The following TTC28 variants were observed in gnomAD, a reference collection of about 807,000 sequenced individuals.
TTC28 encodes tetratricopeptide repeat protein 28.
Under a neutral mutation model 198.0 loss-of-function variants are expected in TTC28, and 61 were observed. That is an observed-to-expected ratio of 0.31 (90% CI 0.25 to 0.38). The LOEUF is 0.38. Ranked by LOEUF, TTC28 falls within the 10% of genes least tolerant of loss-of-function variation. The pLI is 1.00. For missense variants in TTC28, 2,678 were observed against 3,164.0 expected, an observed-to-expected ratio of 0.85 and a Z score of 3.69; for synonymous variants, 1,171 against 1,297.8, an observed-to-expected ratio of 0.90 and a Z score of 2.10.
At chr22:28,509,632 C>T (rs2048661272) in intron 2 of TTC28, among the ~76,000 whole-genome samples, 1 of 152,036 alleles carries the variant, frequency 6.6e-6, no homozygotes, top group African/African-American at 2.4e-5. Flanking sequence ...ACTAGAGAAC[C>T]AAGAGCAAAC....
Position 28,512,743 on chromosome 22 carries a change from G to A in TTC28, c.381+116809C>T, listed in dbSNP as rs571299941. 5.9e-5 allele frequency among the ~76,000 whole-genome samples: 9 copies of A among 152,182 alleles called. No individual in the cohort carries two copies. In the East Asian group the frequency reaches 1.4e-3, roughly 23 times the overall value. On this transcript the variant is annotated intron_variant, in intron 2 of 22. Transcript: ENST00000397906. ...GAATGGTGAGAATACATGGACACAC[G>A]GTGGGGAACAACACACACTGGGGCC... is the stretch of plus-strand genomic sequence containing the variant.
intron 5 of TTC28, among the ~76,000 whole-genome samples, chr22:28,253,933 T>C (rs779783116): frequency 3.3e-5 from 5 of 152,060 alleles, no homozygotes; most frequent in African/African-American, 7.2e-5. Context: ...GGTGAAACTT[T>C]GTCTCTACTA....
chr22:28,429,238 G>T (rs2047398410), intron 2 of TTC28, among the ~76,000 whole-genome samples: 1 of 152,136 alleles, frequency 6.6e-6, no homozygotes. Flanking sequence ...TGCAGCTTTT[G>T]TATCTCACTA....
intron 5 of TTC28, among the ~76,000 whole-genome samples, chr22:28,193,010 G>C (rs890663238): frequency 1.5e-4 from 23 of 152,102 alleles, no homozygotes; most frequent in Admixed American, 1.3e-4. Context: ...AAGTTGAAAC[G>C]AAGGAAAAAA....
intron 12 of TTC28, among the ~76,000 whole-genome samples, chr22:28,046,739 C>T (rs1939879370): frequency 6.6e-6 from 1 of 152,138 alleles, no homozygotes; most frequent in African/African-American, 2.4e-5. Flanking sequence ...ACACAGGCTG[C>T]CTGTAAACAT....
intron 2 of TTC28, among the ~76,000 whole-genome samples, chr22:28,570,136 G>A (rs1192625008): frequency 2.6e-5 from 4 of 152,194 alleles, no homozygotes; most frequent in Non-Finnish European, 5.9e-5. Context: ...CAGGCACTAT[G>A]CAAAGCAGTT....
At chr22:28,027,560 G>T (rs547981613) in intron 13 of TTC28, among the ~76,000 whole-genome samples, 1 of 152,224 alleles carries the variant, frequency 6.6e-6, no homozygotes, top group Non-Finnish European at 1.5e-5. Flanking sequence ...AAATCACTGA[G>T]CTGGAGAGCC....
chr22:28,059,331 G>C (rs1940417487), intron 12 of TTC28, among the ~76,000 whole-genome samples: 1 of 151,514 alleles, frequency 6.6e-6, no homozygotes. Context: ...AATTTCTCTT[G>C]TTTTCTTCTT....
chr22:28,659,219 T>C (rs2051705057), intron 1 of TTC28, among the ~76,000 whole-genome samples: 1 of 152,198 alleles, frequency 6.6e-6, no homozygotes, highest in African/African-American at 2.4e-5. Context: ...AGTATAAAAA[T>C]GTCTCTAAAC....
In TTC28 at chr22:27,983,659, C is replaced by A; in HGVS notation, c.6008G>T (p.Ser2003Ile). 1 of 1,545,052 alleles carries A rather than the reference C, an allele frequency of 6.5e-7. No homozygotes were observed. The highest frequency in any genetic ancestry group is 1.4e-5 in the African/African-American group (1 of 72,926). Residue 2003 changes from serine to isoleucine, a missense_variant, in exon 23 of 23, where the codon AGC becomes ATC. Ser to Ile is a moderately radical substitution (Grantham distance 142). Transcript: ENST00000397906. ...YSLSSIASSM[S>I]FVSKPEGGSE... ...TCCACCCTCGGGTTTGGAGACAAAGCTCATTGAGGAGGCAATGGAGCTCAG... is the reference window on the plus strand; with the variant it reads ...TCCACCCTCGGGTTTGGAGACAAAGATCATTGAGGAGGCAATGGAGCTCAG...
chr22:28,407,903 T>C (rs1019800528), intron 2 of TTC28, among the ~76,000 whole-genome samples: 1 of 152,246 alleles, frequency 6.6e-6, no homozygotes, highest in Admixed American at 6.5e-5. Flanking sequence ...TCGAATGTCA[T>C]ATAGTCAACA....
intron 2 of TTC28, among the ~76,000 whole-genome samples, chr22:28,498,161 A>C (rs948768783): frequency 2.0e-5 from 3 of 151,658 alleles, no homozygotes; most frequent in African/African-American, 7.3e-5. Flanking sequence ...AAGGCAAAAA[A>C]GGTGGGAAGT....
At chr22:28,162,554 G>T (rs1287842276) in intron 6 of TTC28, among the ~76,000 whole-genome samples, 1 of 152,130 alleles carries the variant, frequency 6.6e-6, no homozygotes, top group Non-Finnish European at 1.5e-5. Flanking sequence ...TAAAAGGTTG[G>T]GATGTTTTGT....
chr22:28,644,228 A>T (rs1459514312), intron 1 of TTC28, among the ~76,000 whole-genome samples: 3 of 151,334 alleles, frequency 2.0e-5, no homozygotes, highest in African/African-American at 7.3e-5. Context: ...TGAAACACTG[A>T]CTCTACTAAA....
intron 19 of TTC28, among the ~76,000 whole-genome samples, chr22:27,991,160 C>T (rs1036981950): frequency 2.0e-5 from 3 of 152,258 alleles, no homozygotes; most frequent in African/African-American, 7.2e-5. Context: ...GAAAGGTCCA[C>T]CAGCTGCCAC....
chr22:28,376,168 T>C (rs376269846), intron 2 of TTC28, among the ~76,000 whole-genome samples: 2 of 152,184 alleles, frequency 1.3e-5, no homozygotes, highest in South Asian at 2.1e-4. Flanking sequence ...CTATCTACTA[T>C]TGGTTGTGTC....
At chr22:28,294,107 A>T (rs1414205016) in intron 5 of TTC28, among the ~76,000 whole-genome samples, 1 of 152,220 alleles carries the variant, frequency 6.6e-6, no homozygotes, top group African/African-American at 2.4e-5. Flanking sequence ...TCAGCCCTGG[A>T]GTCTATTACT....
At chr22:28,263,653 G>A (rs1000783779) in intron 5 of TTC28, among the ~76,000 whole-genome samples, 2 of 152,068 alleles carry the variant, frequency 1.3e-5, no homozygotes, top group African/African-American at 4.8e-5. Context: ...ATAGTATTGT[G>A]CATTTTTAAT....
At chr22:28,268,117 C>G (rs16986234) in intron 5 of TTC28, among the ~76,000 whole-genome samples, 3,938 of 152,260 alleles carry the variant, frequency 0.026, 198 homozygotes, top group African/African-American at 0.091. Flanking sequence ...ATGGTCTGGT[C>G]CCTGCAGCCT....
Sources: gnomAD v4.1 joint callset for allele counts (sites outside exome capture counted in the v4.1 genomes callset) on GRCh38, gnomAD v4.1.1 for gene constraint, MANE v1.5 for transcripts, NCBI Gene and HGNC (gene_info 2026-07-23, HGNC 2026-07-21) for gene names.